HID1: variants seen among roughly 807,000 people sequenced by gnomAD.
The protein encoded by HID1 is protein HID1.
HID1 carries 42 observed loss-of-function variants against 89.7 expected under a neutral mutation model. That is an observed-to-expected ratio of 0.47 (90% CI 0.37 to 0.61). The LOEUF is 0.61. HID1 is among the 20% of genes least tolerant of loss of function. The pLI is 0.00. For synonymous variants in HID1, 442 were observed against 433.8 expected (o/e 1.02, Z -0.24); for missense variants, 854 against 1,039.3 (o/e 0.82, Z 2.45).
rs2039666015 is a variant in HID1, at chr17:74,972,557, G to T, written c.66+34C>A. 13 of 1,535,004 alleles carry T rather than the reference G, an allele frequency of 8.5e-6. No homozygotes were observed. The highest frequency in any genetic ancestry group is 1.1e-5 in the Non-Finnish European group (13 of 1,136,332). ...GCCCTGCCCAGCCCCCAGCCCGGCA[G>T]GTGGATGGGGACGCCGGGGCCCCCG... On this transcript the variant is annotated intron_variant, in intron 1 of 18. Coordinates refer to ENST00000425042, the MANE Select transcript of HID1 (RefSeq NM_030630.3). The surrounding 1 kb of genome is among the most constrained non-coding windows in gnomAD (Gnocchi z 6.4).
chr17:74,958,644 C>T lies in HID1; in HGVS notation c.1240+29G>A. 2 of 1,571,246 alleles carry T rather than the reference C, an allele frequency of 1.3e-6. 1 individual carries two copies. On this transcript the variant is annotated intron_variant, in intron 10 of 18. Coordinates refer to ENST00000425042, the MANE Select transcript of HID1 (RefSeq NM_030630.3). This position sits in a 1 kb window ranked among gnomAD's most constrained non-coding sequence, Gnocchi z 5.2. ...CTCCACCTCGCCGCCAGGAAAGCCC[C>T]CAGCATCCCACCCCCACCCTGGTCT...
In HID1 at chr17:74,960,020, C is replaced by T; in HGVS notation, c.951+6G>A. The T allele has an allele frequency of 6.2e-7, 1 of 1,613,306 alleles. No individual in the cohort carries two copies. Among genetic ancestry groups the T allele is most frequent in the Non-Finnish European group, 8.5e-7 (1 of 1,179,666 alleles). ...GCAGCTGTCCCTTCCATGCTCCCAT[C>T]CTTACATCGGCATCATCCATGGCGG... is the stretch of plus-strand genomic sequence containing the variant. On this transcript the variant is annotated splice_donor_region_variant and intron_variant, in intron 7 of 18. Coordinates refer to ENST00000425042, the MANE Select transcript of HID1 (RefSeq NM_030630.3).
chr17:74,964,775 G>C, intron 1 of HID1, 143 bp from the exon 2 acceptor site: 2 of 808,854 alleles, frequency 2.5e-6, no homozygotes, highest in Non-Finnish European at 1.9e-6. Flanking sequence ...CCACATGGGT[G>C]GGGGACATAC....
chr17:74,958,156 T>C lies in HID1; in HGVS notation c.1456A>G (p.Thr486Ala). 1.2e-6 allele frequency: 2 copies of C among 1,609,482 alleles called. No individual in the cohort carries two copies. The highest frequency in any genetic ancestry group is 1.3e-5 in the African/African-American group (1 of 74,938). The change falls in exon 12 of 19, where the codon ACC becomes GCC. Residue 486 changes from threonine (T) to alanine (A), a missense_variant. By Grantham distance (58) the Thr-to-Ala change is moderately conservative (BLOSUM62 0). Transcript: ENST00000425042. The surrounding 1 kb of genome is among the most constrained non-coding windows in gnomAD (Gnocchi z 5.2). ...GGGCCCCTACCGTTGACCACGATGG[T>C]GAGCAGGCAGTCGAAGAGGGGCTGC... is the stretch of plus-strand genomic sequence containing the variant. ...RLQPLFDCLL[T>A]IVVNVSPYLK...
Position 74,958,506 on chromosome 17 carries a change from C to G in HID1, c.1241-28G>C. On this transcript the variant is annotated intron_variant, in intron 10 of 18. Coordinates refer to ENST00000425042, the MANE Select transcript of HID1 (RefSeq NM_030630.3). The surrounding 1 kb of genome is among the most constrained non-coding windows in gnomAD (Gnocchi z 5.2). The stretch of plus-strand genomic sequence containing the variant: ...GCGGCAGGTGGCGTGGGAGGGGTCA[C>G]TCGGGTGGGAGGGGGAAGGAGGGGC... The G allele has an allele frequency of 6.3e-7, 1 of 1,576,344 alleles. No individual in the cohort carries two copies. The highest frequency in any genetic ancestry group is 8.6e-7 in the Non-Finnish European group (1 of 1,161,260).
rs962361930 is a variant in HID1, at chr17:74,953,105, C to A, written c.1972-19G>T. 1.9e-6 allele frequency: 3 copies of A among 1,591,572 alleles called. No individual in the cohort carries two copies. The highest frequency in any genetic ancestry group is 1.7e-6 in the Non-Finnish European group (2 of 1,169,628). ...TGGGCTCCTGGCCCCCAGAAAGGAA[C>A]AGGGGTGAGGGATGGTGGCGGTGGG... On this transcript the variant is annotated intron_variant, in intron 15 of 18. Coordinates refer to ENST00000425042, the MANE Select transcript of HID1 (RefSeq NM_030630.3).
At chr17:74,968,815 TAAGCAC>T (rs767310520) in intron 1 of HID1, among the ~76,000 whole-genome samples, 2 of 152,168 alleles carry the variant, frequency 1.3e-5, no homozygotes, top group African/African-American at 2.4e-5. Context: ...GGGCAGAAAC[TAAGCAC>T]AAGCAGGCAT....
In HID1 at chr17:74,959,778, A is replaced by G; in HGVS notation, c.1008+103T>C. 1 of 1,276,070 alleles carries G rather than the reference A, an allele frequency of 7.8e-7. No individual in the cohort carries two copies. Among genetic ancestry groups the G allele is most frequent in the East Asian group, 2.3e-5 (1 of 42,906 alleles). The allele number at this position is 1,276,070 out of a possible 1,614,324, so 79.0% of individuals were successfully genotyped here. On this transcript the variant is annotated intron_variant, in intron 8 of 18. Coordinates refer to ENST00000425042, the MANE Select transcript of HID1 (RefSeq NM_030630.3). This position sits in a 1 kb window ranked among gnomAD's most constrained non-coding sequence, Gnocchi z 4.6. The stretch of plus-strand genomic sequence containing the variant: ...ATTTCACCTAGGGTGGCCCCAGCCC[A>G]CAGAGAGCATGGTTCCTTCATGGAG...
At chr17:74,970,364 G>A (rs114859455) in intron 1 of HID1, among the ~76,000 whole-genome samples, 116 of 152,336 alleles carry the variant, frequency 7.6e-4, no homozygotes, top group African/African-American at 2.7e-3. Flanking sequence ...GCCTGCTCTA[G>A]AGGACTGTGT....
chr17:74,955,614 C>T (rs1318334101), intron 13 of HID1, among the ~76,000 whole-genome samples, 178 bp downstream of exon 13: 2 of 152,196 alleles, frequency 1.3e-5, no homozygotes, highest in Non-Finnish European at 2.9e-5. Flanking sequence ...CCCACTGCAT[C>T]CCCTGCACCC....
chr17:74,971,080 G>A (rs73995706), intron 1 of HID1, among the ~76,000 whole-genome samples: 5 of 152,198 alleles, frequency 3.3e-5, no homozygotes, highest in Non-Finnish European at 4.4e-5. Context: ...TGGGGAAAAG[G>A]CCTGAGCAGG....
At chr17:74,961,777 T>TC (rs2039484226) in intron 6 of HID1, 96 bp downstream of exon 6, 2 of 630,144 alleles carry the variant, frequency 3.2e-6, no homozygotes, top group South Asian at 7.0e-5. Context: ...GGGCAGCACC[T>TC]CCCCTCAAAC....
rs145815928 is a variant in HID1 at position 74,962,236 on chromosome 17, G to C, written c.609C>G (p.Asn203Lys). Reference sequence around the variant, plus strand: ...CTCCGGGCCTGGGCGAAGCTCACCGGTTCATATCGTGGATGTAGTTAGGCT... The same window carrying C: ...CTCCGGGCCTGGGCGAAGCTCACCGCTTCATATCGTGGATGTAGTTAGGCT... ...SPQPNYIHDM[N>K]RMELLKLLLT... The change falls in exon 5 of 19, where the codon AAC becomes AAG. Residue 203 changes from asparagine (N) to lysine (K), a missense_variant and splice_region_variant. Transcript: ENST00000425042. The surrounding 1 kb of genome is among the most constrained non-coding windows in gnomAD (Gnocchi z 4.3). 6.2e-7 allele frequency: 1 copy of C among 1,605,840 alleles called. No homozygotes were observed. Among genetic ancestry groups the C allele is most frequent in the African/African-American group, 1.3e-5 (1 of 74,922 alleles).
Position 74,972,377 on chromosome 17 carries a change from T to C in HID1, c.66+214A>G, listed in dbSNP as rs1344802504. Reference sequence around the variant, plus strand: ...AGCAGCGGCTTCGGGGAGAGGGGTGTTCCCAGGAGAGGAGGCTGAGGGTGG... The same window carrying C: ...AGCAGCGGCTTCGGGGAGAGGGGTGCTCCCAGGAGAGGAGGCTGAGGGTGG... On this transcript the variant is annotated intron_variant, in intron 1 of 18. Transcript: ENST00000425042. This position sits in a 1 kb window ranked among gnomAD's most constrained non-coding sequence, Gnocchi z 6.4. Among the ~76,000 whole-genome samples, 2 of 152,028 alleles carry C rather than the reference T, an allele frequency of 1.3e-5. No individual in the cohort carries two copies. The highest frequency in any genetic ancestry group is 2.9e-5 in the Non-Finnish European group (2 of 67,966).
Position 74,962,901 on chromosome 17 carries a change from G to GC in HID1, c.504+63dup. ...AATCCGCCCAAGGGAACTTCAACTG[G>GC]CCCGGCCCCAACCCAGGACCAGAGC... On this transcript the variant is annotated intron_variant, in intron 4 of 18. Transcript: ENST00000425042. This position sits in a 1 kb window ranked among gnomAD's most constrained non-coding sequence, Gnocchi z 4.3. 1 of 1,228,458 alleles carries GC rather than the reference G, an allele frequency of 8.1e-7. No homozygotes were observed. Among genetic ancestry groups the GC allele is most frequent in the Non-Finnish European group, 1.2e-6 (1 of 852,942 alleles). The allele number at this position is 1,228,458 out of a possible 1,614,324, so 76.1% of individuals were successfully genotyped here.
chr17:74,954,357 T>C lies in HID1; in HGVS notation c.1645A>G (p.Asn549Asp), dbSNP rs2039356233. The change falls in exon 14 of 19, where the codon AAC becomes GAC. Residue 549 changes from asparagine (N) to aspartate (D), a missense_variant. Coordinates refer to ENST00000425042, the MANE Select transcript of HID1 (RefSeq NM_030630.3). ...IIQYQFDGNS[N>D]LVYAIIRKRS... ...TTGCGGATGATGGCGTAGACCAGGT[T>C]GGAGTTGCCTGTGGGCAGGGAGCAT... The C allele has an allele frequency of 1.3e-6, 2 of 1,564,352 alleles. No individual in the cohort carries two copies. The highest frequency in any genetic ancestry group is 1.7e-6 in the Non-Finnish European group (2 of 1,154,808).
intron 1 of HID1, among the ~76,000 whole-genome samples, chr17:74,969,851 T>A (rs1228802418): frequency 1.3e-5 from 2 of 150,788 alleles, no homozygotes; most frequent in Non-Finnish European, 2.9e-5. Flanking sequence ...TCCTCCTGCC[T>A]CCACCTCCCA....
At position 74,963,063 on chromosome 17, in the gene HID1, C is replaced by T. The variant is rs371748986; in HGVS notation, c.406G>A (p.Glu136Lys). ...GACTCGGCCAGGGGCCTGGCATGCTCATCATCCTCTTCTCCCTGCTGGGGA... is the reference window on the plus strand; with the variant it reads ...GACTCGGCCAGGGGCCTGGCATGCTTATCATCCTCTTCTCCCTGCTGGGGA... The part of the protein sequence containing the change: ...GRGGQGEEDD[E>K]HARPLAESLL... The change falls in exon 4 of 19, where the codon GAG becomes AAG. Residue 136 changes from glutamate to lysine, a missense_variant. Coordinates refer to ENST00000425042, the MANE Select transcript of HID1 (RefSeq NM_030630.3). 5.0e-6 allele frequency: 8 copies of T among 1,610,318 alleles called. No homozygotes were observed. The Admixed American group carries it at 5.0e-5, about 10-fold the overall frequency.
At chr17:74,960,929 G>A (rs142586988) in intron 6 of HID1, among the ~76,000 whole-genome samples, 5 of 152,278 alleles carry the variant, frequency 3.3e-5, no homozygotes, top group Admixed American at 6.5e-5. Context: ...CACGTGGCAC[G>A]TGTGACACCC....
Sources: allele counts gnomAD v4.1 joint callset (sites outside exome capture counted in the v4.1 genomes callset), GRCh38; gene constraint gnomAD v4.1.1; non-coding constraint Gnocchi (gnomAD v3.1); transcripts MANE v1.5; gene names NCBI Gene and HGNC (gene_info 2026-07-23, HGNC 2026-07-21).